OTUD3: variants seen among roughly 807,000 people sequenced by gnomAD.
OTUD3 encodes the protein OTU domain-containing protein 3.
OTUD3 carries 24 observed loss-of-function variants against 46.2 expected under a neutral mutation model. That is an observed-to-expected ratio of 0.52 (90% CI 0.38 to 0.73). OTUD3 has a LOEUF of 0.73. OTUD3 is among the 30% of genes least tolerant of loss of function. The pLI is 0.00. For synonymous variants in OTUD3, 189 were observed against 195.4 expected (o/e 0.97, Z 0.27); for missense variants, 455 against 523.3 (o/e 0.87, Z 1.27).
At chr1:19,891,407 G>C (rs1261118621) in intron 2 of OTUD3, among the ~76,000 whole-genome samples, 1 of 152,200 alleles carries the variant, frequency 6.6e-6, no homozygotes, top group East Asian at 1.9e-4. Context: ...TTGATCCTTT[G>C]TTTTAGAGAG....
chr1:19,905,309 A>C (rs2045643951), intron 6 of OTUD3, among the ~76,000 whole-genome samples: 1 of 152,226 alleles, frequency 6.6e-6, no homozygotes, highest in Non-Finnish European at 1.5e-5. Flanking sequence ...TAGAAGACCA[A>C]AATGATAACC....
intron 4 of OTUD3, among the ~76,000 whole-genome samples, chr1:19,898,622 G>A (rs1039435522): frequency 4.0e-5 from 6 of 151,784 alleles, no homozygotes; most frequent in Non-Finnish European, 8.8e-5. Flanking sequence ...CAGCTACTCG[G>A]GAGGCTGAGG....
chr1:19,906,499 T>G lies in OTUD3; in HGVS notation c.903T>G (p.Gly301=). 1 of 1,613,972 alleles carries G rather than the reference T, an allele frequency of 6.2e-7. No individual in the cohort carries two copies. Residue 301 remains glycine (G), a synonymous_variant, in exon 7 of 8, where the codon GGT becomes GGG. Transcript: ENST00000375120. ...LKQCGPLWEE[G]GSGARIFGNQ... ...AGTGTGGCCCTTTGTGGGAGGAGGG[T>G]GGCAGTGGTGCCAGAATCTTTGGAA...
Position 19,882,747 on chromosome 1 carries a change from G to C in OTUD3, c.221+13G>C. On this transcript the variant is annotated intron_variant, in intron 1 of 7. Coordinates refer to ENST00000375120, the MANE Select transcript of OTUD3 (RefSeq NM_015207.2). ...TGCCGGGGGACGGGTGAGGCGGGCCGGGAGCGAGGGAGGCGGCGCCGGGGG... is the reference window on the plus strand; with the variant it reads ...TGCCGGGGGACGGGTGAGGCGGGCCCGGAGCGAGGGAGGCGGCGCCGGGGG... The C allele has an allele frequency of 3.8e-6, 5 of 1,306,150 alleles. No individual in the cohort carries two copies. The East Asian group carries it at 1.3e-4, about 33-fold the overall frequency. The allele number at this position is 1,306,150 out of a possible 1,614,324, so 80.9% of individuals were successfully genotyped here. A position where few individuals can be genotyped will look rare whatever the true frequency, so the allele number is the denominator to read the frequency against.
rs970791781 is a variant in OTUD3, at chr1:19,882,477, C to T, written c.-37C>T. 1.1e-5 allele frequency: 15 copies of T among 1,344,122 alleles called. No homozygotes were observed. The Admixed American group carries it at 1.1e-4, about 10-fold the overall frequency. The allele number at this position is 1,344,122 out of a possible 1,614,324, so 83.3% of individuals were successfully genotyped here. A position where few individuals can be genotyped will look rare whatever the true frequency, so the allele number is the denominator to read the frequency against. On this transcript the variant is annotated 5_prime_UTR_variant, in exon 1 of 8. Coordinates refer to ENST00000375120, the MANE Select transcript of OTUD3 (RefSeq NM_015207.2). ...AGGCGGACGCTGGGGGGTCCTGCGCCTTTCCCTCCTGCCGCTGGGGACTGC... is the reference window on the plus strand; with the variant it reads ...AGGCGGACGCTGGGGGGTCCTGCGCTTTTCCCTCCTGCCGCTGGGGACTGC...
At chr1:19,889,961 G>A (rs565430460) in intron 1 of OTUD3, among the ~76,000 whole-genome samples, 2 of 152,354 alleles carry the variant, frequency 1.3e-5, no homozygotes, top group South Asian at 4.1e-4. Flanking sequence ...GGTAGCTGTA[G>A]TGGAACTTGT....
At position 19,909,116 on chromosome 1, in the gene OTUD3, AG is replaced by A. The variant is rs1315589807; in HGVS notation, c.*1372del. On this transcript the variant is annotated 3_prime_UTR_variant, in exon 8 of 8. Transcript: ENST00000375120. ...GGCAAATAATTGATGCTGAGTTGAA[AG>A]GTAAATTATTAGTTATCTTCCCCAC... 6.6e-6 allele frequency: 1 copy of A among 152,352 alleles called. No homozygotes were observed. The highest frequency in any genetic ancestry group is 1.5e-5 in the Non-Finnish European group (1 of 68,042). The allele number at this position is 152,352 out of a possible 1,614,324, so 9.4% of individuals were successfully genotyped here.
rs370880245 is a variant in OTUD3 at position 19,897,609 on chromosome 1, A to G, written c.553A>G (p.Ser185Gly). Residue 185 changes from serine (S) to glycine (G), a missense_variant, in exon 4 of 8, where the codon AGT becomes GGT. Ser to Gly is a moderately conservative substitution (Grantham distance 56, BLOSUM62 0). Transcript: ENST00000375120. ...ATATCGGTATGGAGAGCACTACGACAGTGTTCGGAGGATCAATGACAACTC... is the reference window on the plus strand; with the variant it reads ...ATATCGGTATGGAGAGCACTACGACGGTGTTCGGAGGATCAATGACAACTC... ...IAYRYGEHYD[S>G]VRRINDNSEA... 1.2e-5 allele frequency: 20 copies of G among 1,613,988 alleles called. No homozygotes were observed. Among genetic ancestry groups the G allele is most frequent in the Non-Finnish European group, 1.7e-5 (20 of 1,179,984 alleles).
chr1:19,893,671 T>A (rs181341661), intron 2 of OTUD3, among the ~76,000 whole-genome samples: 1 of 152,350 alleles, frequency 6.6e-6, no homozygotes, highest in Admixed American at 6.5e-5. Flanking sequence ...GACACTCTCA[T>A]CACCTTTGGG....
chr1:19,904,544 T>A (rs1431649128), intron 5 of OTUD3, 146 bp downstream of exon 5: 1 of 703,096 alleles, frequency 1.4e-6, no homozygotes, highest in Non-Finnish European at 2.4e-6. Context: ...TTAGTGTATG[T>A]GGCTTAATGA....
Position 19,907,674 on chromosome 1 carries a change from C to T in OTUD3, c.1125C>T (p.Asp375=), listed in dbSNP as rs541355235. The change falls in exon 8 of 8, where the codon GAC becomes GAT. Residue 375 remains aspartate, a synonymous_variant. Transcript: ENST00000375120. The part of the protein sequence containing the change: ...KALESRGSHR[D]NNRSEAEANT... ...TGGAGAGCAGAGGTAGCCACAGGGA[C>T]AATAACAGAAGCGAAGCAGAGGCGA... is the stretch of plus-strand genomic sequence containing the variant. 6.2e-7 allele frequency: 1 copy of T among 1,614,198 alleles called. No individual in the cohort carries two copies. Among genetic ancestry groups the T allele is most frequent in the African/African-American group, 1.3e-5 (1 of 75,060 alleles).
chr1:19,896,721 T>C (rs2045522876), intron 3 of OTUD3, among the ~76,000 whole-genome samples: 2 of 152,230 alleles, frequency 1.3e-5, no homozygotes, highest in South Asian at 2.1e-4. Flanking sequence ...ATTACTGGGC[T>C]TTCTAAGGGA....
chr1:19,882,666 G>A lies in OTUD3; in HGVS notation c.153G>A (p.Glu51=). Residue 51 remains glutamate, a synonymous_variant, in exon 1 of 8, where the codon GAG becomes GAA. Transcript: ENST00000375120. The part of the protein sequence containing the change: ...PESGGGGGCE[E]EFVSFANQLQ... ...CTGGCGGCGGCGGCGGCTGCGAGGA[G>A]GAGTTCGTCAGCTTCGCCAACCAGC... The A allele has an allele frequency of 1.4e-6, 2 of 1,459,554 alleles. No homozygotes were observed. The highest frequency in any genetic ancestry group is 1.8e-6 in the Non-Finnish European group (2 of 1,107,484). 90.4% of individuals were successfully genotyped at this position (1,459,554 alleles called of 1,614,324 possible).
chr1:19,897,751 T>G lies in OTUD3; in HGVS notation c.606+89T>G, dbSNP rs193123403. The G allele has an allele frequency of 1.5e-4, 211 of 1,366,872 alleles. 1 individual carries two copies. The East Asian group carries it at 2.4e-3, about 16-fold the overall frequency. 84.7% of individuals were successfully genotyped at this position (1,366,872 alleles called of 1,614,324 possible). ...TATCTGGCGCTAAAAACCAGTAATG[T>G]TTTTGTAGAAAGTTGGCATTGAGAA... On this transcript the variant is annotated intron_variant, in intron 4 of 7. Transcript: ENST00000375120.
chr1:19,903,493 G>C (rs1199012757), intron 4 of OTUD3, among the ~76,000 whole-genome samples: 1 of 152,140 alleles, frequency 6.6e-6, no homozygotes, highest in Non-Finnish European at 1.5e-5. Flanking sequence ...ACATTCTGAG[G>C]AATATACTGT....
At chr1:19,891,012 A>G (rs554690783) in intron 2 of OTUD3, among the ~76,000 whole-genome samples, 1 of 152,376 alleles carries the variant, frequency 6.6e-6, no homozygotes, top group South Asian at 2.1e-4. Flanking sequence ...ATTAAATTAG[A>G]TAACAAAATT....
chr1:19,908,080 A>C lies in OTUD3; in HGVS notation c.*334A>C. Reference sequence around the variant, plus strand: ...AAAATCAGACTTCAGTGACCCTAGGATCTTTCCTTAACATTTGGGGTGAGT... The same window carrying C: ...AAAATCAGACTTCAGTGACCCTAGGCTCTTTCCTTAACATTTGGGGTGAGT... On this transcript the variant is annotated 3_prime_UTR_variant, in exon 8 of 8. Coordinates refer to ENST00000375120, the MANE Select transcript of OTUD3 (RefSeq NM_015207.2). 4 of 196,490 alleles carry C rather than the reference A, an allele frequency of 2.0e-5. No individual in the cohort carries two copies. Among genetic ancestry groups the C allele is most frequent in the Non-Finnish European group, 4.2e-5 (4 of 96,362 alleles). The allele number at this position is 196,490 out of a possible 1,614,324, so 12.2% of individuals were successfully genotyped here. A position where few individuals can be genotyped will look rare whatever the true frequency, so the allele number is the denominator to read the frequency against.
In OTUD3 at chr1:19,906,453, C is replaced by T; in HGVS notation, c.857C>T (p.Pro286Leu). The stretch of plus-strand genomic sequence containing the variant: ...GAAGATGCAGAAGAGAATCTTGAGC[C>T]CAGTGGTCGAGTGCTGAAGCAGTGT... ...KRNNAEENLE[P>L]SGRVLKQCGP... is the part of the protein sequence containing the mutation. The change falls in exon 7 of 8, where the codon CCC becomes CTC. Residue 286 changes from proline (P) to leucine (L), a missense_variant. Physicochemically the swap from Pro to Leu is moderately conservative, Grantham distance 98. Coordinates refer to ENST00000375120, the MANE Select transcript of OTUD3 (RefSeq NM_015207.2). 1.9e-6 allele frequency: 3 copies of T among 1,613,812 alleles called. No homozygotes were observed. The highest frequency in any genetic ancestry group is 2.5e-6 in the Non-Finnish European group (3 of 1,179,864).
Position 19,906,518 on chromosome 1 carries a change from T to C in OTUD3, c.922T>C (p.Phe308Leu). Residue 308 changes from phenylalanine to leucine, a missense_variant, in exon 7 of 8, where the codon TTT (phenylalanine) becomes CTT (leucine). Phe to Leu is a conservative substitution (Grantham distance 22). Transcript: ENST00000375120. ...WEEGGSGARIFGNQGLNEGRT... is the reference protein window; with the variant it reads ...WEEGGSGARILGNQGLNEGRT... ...GGAGGGTGGCAGTGGTGCCAGAATC[T>C]TTGGAAATCAGGGCTTAAATGAAGG... is the stretch of plus-strand genomic sequence containing the variant. The C allele has an allele frequency of 1.2e-6, 2 of 1,614,018 alleles. No homozygotes were observed. The highest frequency in any genetic ancestry group is 1.7e-6 in the Non-Finnish European group (2 of 1,180,000).
Sources: allele counts gnomAD v4.1 joint callset (sites outside exome capture counted in the v4.1 genomes callset), GRCh38; gene constraint gnomAD v4.1.1; transcripts MANE v1.5; gene names NCBI Gene and HGNC (gene_info 2026-07-23, HGNC 2026-07-21).